NCKAP5: variants seen among roughly 807,000 people sequenced by gnomAD.
NCKAP5 encodes the protein nck-associated protein 5.
NCKAP5 carries 92 observed loss-of-function variants against 167.0 expected under a neutral mutation model. The observed-to-expected ratio is 0.55, with a 90% CI of 0.47 to 0.66. NCKAP5 has a LOEUF of 0.66. Ranked by LOEUF, NCKAP5 falls within the 30% of genes least tolerant of loss-of-function variation. The probability of loss-of-function intolerance (pLI) is 0.00; values close to 1 mark genes in which losing one functional copy is unlikely to be tolerated. For synonymous variants in NCKAP5, 891 were observed against 877.4 expected (o/e 1.02, Z -0.27); for missense variants, 2,378 against 2,315.0 (o/e 1.03, Z -0.56).
In NCKAP5 at chr2:133,282,317, C is replaced by G. The variant is rs561235784; in HGVS notation, c.143+20720G>C. ...CCAAAAGCAGAGATGAGGGCAAAAACAAAAGTGGGCAGTCTTAGGAATGCT... is the reference window on the plus strand; with the variant it reads ...CCAAAAGCAGAGATGAGGGCAAAAAGAAAAGTGGGCAGTCTTAGGAATGCT... On this transcript the variant is annotated intron_variant, in intron 4 of 19. Coordinates refer to ENST00000409261, the MANE Select transcript of NCKAP5 (RefSeq NM_207363.3). Among the ~76,000 whole-genome samples, 15 of 152,252 alleles carry G rather than the reference C, an allele frequency of 9.9e-5. No homozygotes were observed. The South Asian group carries it at 3.1e-3, about 32-fold the overall frequency.
intron 16 of NCKAP5, among the ~76,000 whole-genome samples, chr2:132,736,980 G>A (rs961583745): frequency 2.0e-5 from 3 of 152,132 alleles, no homozygotes; most frequent in Admixed American, 6.5e-5. Flanking sequence ...CCTCTCACCT[G>A]TTCCCATTGT....
chr2:133,295,323 T>C (rs1202134404), intron 4 of NCKAP5, among the ~76,000 whole-genome samples: 3 of 152,178 alleles, frequency 2.0e-5, no homozygotes, highest in Non-Finnish European at 4.4e-5. Flanking sequence ...ACAGATAGGA[T>C]TTGGAGTTTT....
At chr2:132,927,085 C>T (rs1695959551) in intron 8 of NCKAP5, among the ~76,000 whole-genome samples, 1 of 152,118 alleles carries the variant, frequency 6.6e-6, no homozygotes, top group Non-Finnish European at 1.5e-5. Context: ...CATTCTTCTG[C>T]ATATGGCAAT....
At chr2:133,440,572 T>G (rs1690771440) in intron 3 of NCKAP5, among the ~76,000 whole-genome samples, 1 of 151,472 alleles carries the variant, frequency 6.6e-6, no homozygotes. Flanking sequence ...TAGCCAGGCG[T>G]GATGGCGGGC....
Position 133,456,208 on chromosome 2 carries a change from T to C in NCKAP5, c.69+61250A>G, listed in dbSNP as rs566538141. Among the ~76,000 whole-genome samples, 3 of 152,254 alleles carry C rather than the reference T, an allele frequency of 2.0e-5. No homozygotes were observed. The South Asian group carries it at 6.2e-4, about 32-fold the overall frequency. Reference sequence around the variant, plus strand: ...TTATTCTTCACTAACAAAACCCCCATATTGCAGCGGTAGCAATCTACCCAA... The same window carrying C: ...TTATTCTTCACTAACAAAACCCCCACATTGCAGCGGTAGCAATCTACCCAA... On this transcript the variant is annotated intron_variant, in intron 3 of 19. Transcript: ENST00000409261.
chr2:132,940,901 G>A (rs1328318176), intron 8 of NCKAP5, among the ~76,000 whole-genome samples: 1 of 151,170 alleles, frequency 6.6e-6, no homozygotes, highest in East Asian at 1.9e-4. Flanking sequence ...TATTACACTT[G>A]TCTTACTTTT....
chr2:132,840,903 GA>G lies in NCKAP5; in HGVS notation c.807+19588del, dbSNP rs891550343. ...CAAAAAATTTCACTGTATATTTATTGAAAAAAAATCTGTGTATAATTGGACC... is the reference window on the plus strand; with the variant it reads ...CAAAAAATTTCACTGTATATTTATTGAAAAAAATCTGTGTATAATTGGACC... On this transcript the variant is annotated intron_variant, in intron 11 of 19. Coordinates refer to ENST00000409261, the MANE Select transcript of NCKAP5 (RefSeq NM_207363.3). Among the ~76,000 whole-genome samples the G allele has an allele frequency of 4.2e-4, 63 of 151,504 alleles. No individual in the cohort carries two copies. The Middle Eastern group carries it at 0.01, about 25-fold the overall frequency.
At chr2:133,648,822 C>A in the NCKAP5 span, among the ~76,000 whole-genome samples, 1 of 149,268 alleles carries the variant, frequency 6.7e-6, no homozygotes. Context: ...CTCAAATAAT[C>A]ATCTAACTTT....
intron 16 of NCKAP5, among the ~76,000 whole-genome samples, chr2:132,754,188 C>A (rs7595365): frequency 2.0e-5 from 3 of 151,950 alleles, no homozygotes; most frequent in Non-Finnish European, 1.5e-5. Flanking sequence ...GTAGCTGGCA[C>A]GATAACATGT....
chr2:133,297,509 G>A (rs147760722), intron 4 of NCKAP5, among the ~76,000 whole-genome samples: 26 of 152,214 alleles, frequency 1.7e-4, no homozygotes, highest in African/African-American at 6.0e-4. Context: ...TATCTCAAGA[G>A]TGTTATTGCA....
At chr2:133,507,366 T>C (rs1431590337) in intron 3 of NCKAP5, among the ~76,000 whole-genome samples, 4 of 152,176 alleles carry the variant, frequency 2.6e-5, no homozygotes, top group Non-Finnish European at 5.9e-5. Context: ...AGTCAACGAA[T>C]TAATTGCATT....
At chr2:133,174,308 G>A (rs1245252629) in intron 5 of NCKAP5, among the ~76,000 whole-genome samples, 2 of 152,118 alleles carry the variant, frequency 1.3e-5, no homozygotes, top group Non-Finnish European at 2.9e-5. Flanking sequence ...AGTTCATGGT[G>A]CCACTAGATC....
chr2:133,362,011 T>C (rs1361057307), intron 3 of NCKAP5, among the ~76,000 whole-genome samples: 2 of 141,052 alleles, frequency 1.4e-5, no homozygotes, highest in Non-Finnish European at 3.1e-5. Context: ...GTTTAAAAAA[T>C]GAAAAAAAAA....
intron 5 of NCKAP5, among the ~76,000 whole-genome samples, chr2:133,166,937 G>T (rs1034229762): frequency 2.0e-5 from 3 of 152,132 alleles, no homozygotes; most frequent in Middle Eastern, 3.2e-3. Flanking sequence ...CATTCTAGAT[G>T]ACAGGATTAC....
At chr2:133,071,739 A>G (rs2080412969) in intron 6 of NCKAP5, among the ~76,000 whole-genome samples, 1 of 152,232 alleles carries the variant, frequency 6.6e-6, no homozygotes, top group Non-Finnish European at 1.5e-5. Flanking sequence ...TTTGAAATTC[A>G]GCAAAAAAAT....
chr2:133,502,350 G>A (rs148013450), intron 3 of NCKAP5, among the ~76,000 whole-genome samples: 13 of 152,272 alleles, frequency 8.5e-5, no homozygotes, highest in Middle Eastern at 6.8e-3. Flanking sequence ...ACCTCCACAC[G>A]AATGGTGGCT....
chr2:133,455,571 CT>C (rs2151212374), intron 3 of NCKAP5, among the ~76,000 whole-genome samples: 1 of 152,124 alleles, frequency 6.6e-6, no homozygotes, highest in Non-Finnish European at 1.5e-5. Context: ...CTGTTTCTCC[CT>C]TTTTTCTTTC....
chr2:132,800,651 T>C (rs903335427), intron 11 of NCKAP5, among the ~76,000 whole-genome samples: 1 of 152,182 alleles, frequency 6.6e-6, no homozygotes, highest in African/African-American at 2.4e-5. Flanking sequence ...CATGGCACAC[T>C]TTCCTCCTCC....
Position 133,189,568 on chromosome 2 carries a change from T to A in NCKAP5, c.207+24148A>T, listed in dbSNP as rs2085113431. Among the ~76,000 whole-genome samples, 2 of 152,042 alleles carry A rather than the reference T, an allele frequency of 1.3e-5. 1 individual carries two copies. Among genetic ancestry groups the A allele is most frequent in the South Asian group, 4.1e-4 (2 of 4,820 alleles). On this transcript the variant is annotated intron_variant, in intron 5 of 19. Coordinates refer to ENST00000409261, the MANE Select transcript of NCKAP5 (RefSeq NM_207363.3). ...CTGGCAAACCAAATCCATCAGCACA[T>A]CAAAAAGCTTATCCACCACGATCAA...
Sources: allele counts gnomAD v4.1 joint callset (sites outside exome capture counted in the v4.1 genomes callset), GRCh38; gene constraint gnomAD v4.1.1; transcripts MANE v1.5; gene names NCBI Gene and HGNC (gene_info 2026-07-23, HGNC 2026-07-21).